The following SUCLA2 variants were observed in gnomAD, a reference collection of about 807,000 sequenced individuals.
SUCLA2 encodes succinate--CoA ligase [ADP-forming] subunit beta, mitochondrial.
In SUCLA2, 30 loss-of-function variants were observed where a neutral mutation model predicts 54.8. The ratio of observed to expected loss-of-function variants is 0.55; its 90% CI spans 0.41 to 0.74. The LOEUF is 0.74. SUCLA2 is among the 30% of genes least tolerant of loss of function. SUCLA2 has a pLI of 0.00. For synonymous variants in SUCLA2, 172 were observed against 188.9 expected, an observed-to-expected ratio of 0.91 and a Z score of 0.74; for missense variants, 476 against 562.9, an observed-to-expected ratio of 0.85 and a Z score of 1.56.
chr13:47,954,026 T>A, intron 8 of SUCLA2, 114 bp downstream of exon 8: 1 of 994,702 alleles, frequency 1.0e-6, no homozygotes, highest in Non-Finnish European at 1.3e-6. Context: ...TCAAAATATA[T>A]ATTAAAAGAC....
Position 47,988,718 on chromosome 13 carries a change from A to T in SUCLA2, c.372-15T>A, listed in dbSNP as rs763036834. 1.2e-6 allele frequency: 2 copies of T among 1,613,254 alleles called. No homozygotes were observed. Among genetic ancestry groups the T allele is most frequent in the Admixed American group, 3.3e-5 (2 of 59,972 alleles). ...CTTCTTCTGGACTAAAATAAGAAAAAGAACTCAAATTTTTCTTTCCTCCAG... is the reference window on the plus strand; with the variant it reads ...CTTCTTCTGGACTAAAATAAGAAAATGAACTCAAATTTTTCTTTCCTCCAG... On this transcript the variant is annotated splice_polypyrimidine_tract_variant and intron_variant, in intron 3 of 10. Coordinates refer to ENST00000646932, the MANE Select transcript of SUCLA2 (RefSeq NM_003850.3).
Position 47,943,153 on chromosome 13 carries a change from C to T in SUCLA2, c.*218G>A, listed in dbSNP as rs1000626642. 29 of 514,868 alleles carry T rather than the reference C, an allele frequency of 5.6e-5. No homozygotes were observed. Among genetic ancestry groups the T allele is most frequent in the African/African-American group, 1.2e-4 (6 of 51,888 alleles). 31.9% of individuals were successfully genotyped at this position (514,868 alleles called of 1,614,324 possible). The stretch of plus-strand genomic sequence containing the variant: ...GAGAAGCAAAAAAGACTGGCTGCGA[C>T]AAAAGAAAGAAGATAACTGCATTAT... On this transcript the variant is annotated 3_prime_UTR_variant, in exon 11 of 11. Coordinates refer to ENST00000646932, the MANE Select transcript of SUCLA2 (RefSeq NM_003850.3).
intron 6 of SUCLA2, among the ~76,000 whole-genome samples, chr13:47,964,950 A>C (rs1593486238): frequency 6.7e-6 from 1 of 148,924 alleles, no homozygotes; most frequent in East Asian, 2.0e-4. Context: ...TTGTAAGTTA[A>C]ATTATAATTT....
At position 47,957,693 on chromosome 13, in the gene SUCLA2, C is replaced by T. The variant is rs190048612; in HGVS notation, c.803-3136G>A. Among the ~76,000 whole-genome samples the T allele has an allele frequency of 2.0e-5, 3 of 152,150 alleles. No individual in the cohort carries two copies. The East Asian group carries it at 5.8e-4, about 29-fold the overall frequency. ...CCAAATGACTGAGAGAGGGAAGCAC[C>T]CTAACTGTTTCAGTAAGAACATTCT... On this transcript the variant is annotated intron_variant, in intron 6 of 10. Coordinates refer to ENST00000646932, the MANE Select transcript of SUCLA2 (RefSeq NM_003850.3).
At chr13:47,996,318 C>T (rs530516028) in intron 2 of SUCLA2, among the ~76,000 whole-genome samples, 21 of 135,006 alleles carry the variant, frequency 1.6e-4, no homozygotes, top group African/African-American at 5.5e-4. Context: ...AATGAAACTC[C>T]GTCTCAAAAA....
At chr13:47,943,524 A>T (rs1949702021) in intron 10 of SUCLA2, 79 bp from the exon 11 acceptor site, 2 of 1,290,526 alleles carry the variant, frequency 1.5e-6, no homozygotes, top group South Asian at 2.4e-5. Flanking sequence ...TGTACACTCA[A>T]TTTTTTCCAT....
At chr13:47,943,519 A>G (rs1166370382) in intron 10 of SUCLA2, 74 bp from the exon 11 acceptor site, 42 of 1,372,274 alleles carry the variant, frequency 3.1e-5, no homozygotes, top group Non-Finnish European at 4.3e-5. Context: ...ATTAATGTAC[A>G]CTCAATTTTT....
intron 6 of SUCLA2, among the ~76,000 whole-genome samples, chr13:47,965,345 G>A (rs1371501106): frequency 1.3e-5 from 2 of 151,620 alleles, no homozygotes; most frequent in Non-Finnish European, 2.9e-5. Context: ...TTAAACAAGT[G>A]AGCCAAGTTA....
chr13:47,949,722 C>G, intron 8 of SUCLA2, 119 bp from the exon 9 acceptor site: 3 of 1,020,848 alleles, frequency 2.9e-6, no homozygotes, highest in Non-Finnish European at 4.5e-6. Flanking sequence ...ATTTTCAGAC[C>G]AAACCACAAT....
chr13:47,967,601 G>C (rs530064199), intron 6 of SUCLA2, among the ~76,000 whole-genome samples: 3 of 152,276 alleles, frequency 2.0e-5, no homozygotes, highest in African/African-American at 7.2e-5. Context: ...AGCACTTTGG[G>C]AGGCAGGGGC....
At chr13:47,978,267 A>G (rs1338610283) in intron 4 of SUCLA2, among the ~76,000 whole-genome samples, 1 of 152,226 alleles carries the variant, frequency 6.6e-6, no homozygotes, top group Non-Finnish European at 1.5e-5. Flanking sequence ...TTCAAGCTAT[A>G]CTACAAGGCT....
intron 2 of SUCLA2, among the ~76,000 whole-genome samples, chr13:47,991,940 G>A (rs367992443): frequency 6.6e-6 from 1 of 152,110 alleles, no homozygotes; most frequent in East Asian, 1.9e-4. Flanking sequence ...CAACAATAAC[G>A]TTCTTATTGA....
intron 4 of SUCLA2, among the ~76,000 whole-genome samples, chr13:47,980,286 G>T (rs983362396): frequency 6.6e-6 from 1 of 152,102 alleles, no homozygotes; most frequent in African/African-American, 2.4e-5. Context: ...GTGGTGGCGG[G>T]AGCCTGTAGT....
At chr13:47,990,049 A>T (rs1358118497) in intron 2 of SUCLA2, among the ~76,000 whole-genome samples, 1 of 152,190 alleles carries the variant, frequency 6.6e-6, no homozygotes, top group Admixed American at 6.5e-5. Context: ...CTCATCATTC[A>T]TGATCAAGAG....
At chr13:47,966,930 G>T (rs1949924358) in intron 6 of SUCLA2, among the ~76,000 whole-genome samples, 1 of 152,040 alleles carries the variant, frequency 6.6e-6, no homozygotes, top group Non-Finnish European at 1.5e-5. Context: ...TGAAGAGGGA[G>T]GATCGCTTGA....
chr13:47,968,198 T>C (rs1189898609), intron 6 of SUCLA2, among the ~76,000 whole-genome samples: 1 of 152,204 alleles, frequency 6.6e-6, no homozygotes, highest in Non-Finnish European at 1.5e-5. Flanking sequence ...TCTGTGTGTG[T>C]GCTCTTTTAA....
intron 10 of SUCLA2, among the ~76,000 whole-genome samples, 197 bp from the exon 11 acceptor site, chr13:47,943,642 T>C (rs907803965): frequency 6.6e-6 from 1 of 151,946 alleles, no homozygotes; most frequent in African/African-American, 2.4e-5. Context: ...TAGTCCAAAC[T>C]TCAATTAAAT....
chr13:47,996,813 A>T (rs777179241), intron 2 of SUCLA2, 30 bp downstream of exon 2: 1 of 1,610,572 alleles, frequency 6.2e-7, no homozygotes, highest in Non-Finnish European at 8.5e-7. Flanking sequence ...TCTCATGTCA[A>T]GGTGGCAAAA....
At chr13:47,975,179 T>A (rs978714145) in intron 4 of SUCLA2, among the ~76,000 whole-genome samples, 3 of 150,038 alleles carry the variant, frequency 2.0e-5, no homozygotes, top group African/African-American at 5.0e-5. Flanking sequence ...TTTTTTTTTT[T>A]ATCTGGAGTG....
Sources: allele counts gnomAD v4.1 joint callset (sites outside exome capture counted in the v4.1 genomes callset), GRCh38; gene constraint gnomAD v4.1.1; transcripts MANE v1.5; gene names NCBI Gene and HGNC (gene_info 2026-07-23, HGNC 2026-07-21).